The following CHL1 variants were observed in gnomAD, a reference collection of about 807,000 sequenced individuals.
The protein encoded by CHL1 is neural cell adhesion molecule L1-like protein.
Under a neutral mutation model 141.9 loss-of-function variants are expected in CHL1, and 96 were observed. The observed-to-expected ratio is 0.68, with a 90% CI of 0.57 to 0.80. The LOEUF (loss-of-function observed/expected upper bound fraction) is 0.80, where lower values mean the gene tolerates loss of function less well. Ranked by LOEUF, CHL1 falls within the 30% of genes least tolerant of loss-of-function variation. The pLI is 0.00. For synonymous variants in CHL1, 613 were observed against 502.2 expected, an observed-to-expected ratio of 1.22 and a Z score of -2.95; for missense variants, 1,820 against 1,457.2, an observed-to-expected ratio of 1.25 and a Z score of -4.05.
At chr3:353,828 T>A (rs1208516953) in intron 10 of CHL1, among the ~76,000 whole-genome samples, 1 of 152,206 alleles carries the variant, frequency 6.6e-6, no homozygotes, top group Non-Finnish European at 1.5e-5. Context: ...TGCAATTTTC[T>A]CTGAAATCAA....
intron 1 of CHL1, among the ~76,000 whole-genome samples, chr3:204,362 C>T (rs1575594958): frequency 6.6e-6 from 1 of 152,202 alleles, no homozygotes; most frequent in Non-Finnish European, 1.5e-5. Flanking sequence ...ACTCATGTAA[C>T]CTGGATGCCT....
At position 398,284 on chromosome 3, in the gene CHL1, A is replaced by G. The variant is rs766586401; in HGVS notation, c.3152A>G (p.Glu1051Gly). The stretch of plus-strand genomic sequence containing the variant: ...CTTACTCAAAAGACTCACCCAATAG[A>G]GGTATTTGAGCCGGGAGCTGAACAT... ...VNLTQKTHPI[E>G]VFEPGAEHIV... Residue 1051 changes from glutamate (E) to glycine (G), a missense_variant, in exon 25 of 28, where the codon GAG becomes GGG. Physicochemically the swap from Glu to Gly is moderately conservative, Grantham distance 98. Transcript: ENST00000256509. The G allele has an allele frequency of 1.0e-5, 16 of 1,606,576 alleles. No homozygotes were observed. The highest frequency in any genetic ancestry group is 2.2e-5 in the East Asian group (1 of 44,796).
intron 5 of CHL1, among the ~76,000 whole-genome samples, chr3:336,955 C>T (rs1455209445): frequency 6.6e-6 from 1 of 152,034 alleles, no homozygotes; most frequent in Non-Finnish European, 1.5e-5. Context: ...TTTTCAAAAA[C>T]CTAGATGTGA....
intron 2 of CHL1, chr3:247,596 G>A (rs1265356045): frequency 6.6e-6 from 1 of 152,080 alleles, no homozygotes; most frequent in East Asian, 1.9e-4. Context: ...TTTCTGTGCT[G>A]AGAAGTTCTG....
intron 5 of CHL1, among the ~76,000 whole-genome samples, chr3:340,457 C>T (rs761865464): frequency 6.6e-6 from 1 of 152,162 alleles, no homozygotes; most frequent in Non-Finnish European, 1.5e-5. Flanking sequence ...AAAGATTTCA[C>T]ATCTATCAAA....
chr3:227,670 C>A (rs944759886), intron 1 of CHL1, among the ~76,000 whole-genome samples: 1 of 152,164 alleles, frequency 6.6e-6, no homozygotes, highest in Non-Finnish European at 1.5e-5. Flanking sequence ...TCTTTATTAC[C>A]AGTAGCTCTC....
At chr3:337,356 A>G (rs973391763) in intron 5 of CHL1, among the ~76,000 whole-genome samples, 6 of 63,804 alleles carry the variant, frequency 9.4e-5, no homozygotes, top group Non-Finnish European at 1.2e-4. Flanking sequence ...ACGCCCGGCT[A>G]ATTTTTTTAT....
At position 349,224 on chromosome 3, in the gene CHL1, G is replaced by C. The variant is rs1361737557; in HGVS notation, c.849-135G>C. 7.1e-6 allele frequency: 5 copies of C among 706,200 alleles called. No homozygotes were observed. The East Asian group carries it at 1.4e-4, about 19-fold the overall frequency. 43.7% of individuals were successfully genotyped at this position (706,200 alleles called of 1,614,324 possible). A position where few individuals can be genotyped will look rare whatever the true frequency, so the allele number is the denominator to read the frequency against. ...TGGTGGTGGGTGTGTCTGTCCACTG[G>C]TAAGGATGACGTGATTCAGTGGAAT... is the stretch of plus-strand genomic sequence containing the variant. On this transcript the variant is annotated intron_variant, in intron 9 of 27. Transcript: ENST00000256509.
At chr3:258,253 A>T (rs564830960) in intron 2 of CHL1, among the ~76,000 whole-genome samples, 1 of 152,342 alleles carries the variant, frequency 6.6e-6, no homozygotes, top group African/African-American at 2.4e-5. Flanking sequence ...AATCAATCAT[A>T]TTATTATGAA....
chr3:394,740 A>C lies in CHL1; in HGVS notation c.2962A>C (p.Thr988Pro). The C allele has an allele frequency of 6.2e-7, 1 of 1,613,670 alleles. No homozygotes were observed. Among genetic ancestry groups the C allele is most frequent in the Non-Finnish European group, 8.5e-7 (1 of 1,179,762 alleles). ...IGELNDINIT[T>P]PSKPSWHLSN... ...AGAATTAAATGATATTAACATTACAACTCCATCAAAGCCCAGCTGGCACCT... is the reference window on the plus strand; with the variant it reads ...AGAATTAAATGATATTAACATTACACCTCCATCAAAGCCCAGCTGGCACCT... Residue 988 changes from threonine (T) to proline (P), a missense_variant, in exon 24 of 28, where the codon ACT becomes CCT. Physicochemically the swap from Thr to Pro is conservative, Grantham distance 38. Coordinates refer to ENST00000256509, the MANE Select transcript of CHL1 (RefSeq NM_006614.4).
chr3:302,284 T>C (rs748324632), intron 2 of CHL1, among the ~76,000 whole-genome samples: 2 of 152,248 alleles, frequency 1.3e-5, no homozygotes, highest in Admixed American at 1.3e-4. Flanking sequence ...CTGGGTCAAA[T>C]GGTATTTCTA....
At chr3:258,834 G>T (rs1694422656) in intron 2 of CHL1, among the ~76,000 whole-genome samples, 1 of 149,580 alleles carries the variant, frequency 6.7e-6, no homozygotes, top group African/African-American at 2.5e-5. Flanking sequence ...CTAACTTTTT[G>T]GCAATTTCAT....
intron 27 of CHL1, among the ~76,000 whole-genome samples, chr3:402,807 A>G (rs1364031649): frequency 6.6e-6 from 1 of 152,208 alleles, no homozygotes; most frequent in Admixed American, 6.5e-5. Flanking sequence ...GAAAGAAAGA[A>G]AGAGAGAAAA....
At chr3:253,465 G>T (rs375811923) in intron 2 of CHL1, among the ~76,000 whole-genome samples, 3 of 152,262 alleles carry the variant, frequency 2.0e-5, no homozygotes, top group Admixed American at 6.5e-5. Flanking sequence ...GGATCCAGGG[G>T]TCCCTGTAGC....
chr3:290,282 A>G (rs965187463), intron 2 of CHL1, among the ~76,000 whole-genome samples: 4 of 152,172 alleles, frequency 2.6e-5, no homozygotes, highest in Non-Finnish European at 4.4e-5. Context: ...AGCTGGCAAC[A>G]TGTGTAGGGG....
chr3:235,178 T>C (rs1691845036), intron 1 of CHL1, among the ~76,000 whole-genome samples: 1 of 152,000 alleles, frequency 6.6e-6, no homozygotes, highest in Non-Finnish European at 1.5e-5. Flanking sequence ...ATTAAAAATA[T>C]TTGTGTCACT....
At chr3:226,374 T>TTATATATATATA (rs56305108) in intron 1 of CHL1, among the ~76,000 whole-genome samples, 7 of 144,304 alleles carry the variant, frequency 4.9e-5, no homozygotes, top group South Asian at 2.1e-4. Flanking sequence ...ATAGAATATT[T>TTATATATATATA]TATATATATA....
chr3:212,255 C>G (rs982451499), intron 1 of CHL1, among the ~76,000 whole-genome samples: 7 of 151,932 alleles, frequency 4.6e-5, no homozygotes, highest in African/African-American at 1.7e-4. Context: ...CAGATGTTTC[C>G]ATAGTCTATT....
Position 209,729 on chromosome 3 carries a change from C to G in CHL1, c.-175+12666C>G, listed in dbSNP as rs112552156. On this transcript the variant is annotated intron_variant, in intron 1 of 27. Transcript: ENST00000256509. ...GCTCCCCTCCGCTGCCACCCCACGACAGGCCCCGTGTGTGATGTTCCCCAC... is the reference window on the plus strand; with the variant it reads ...GCTCCCCTCCGCTGCCACCCCACGAGAGGCCCCGTGTGTGATGTTCCCCAC... 6.1e-3 allele frequency among the ~76,000 whole-genome samples: 925 copies of G among 152,310 alleles called. 7 individuals carry two copies. The highest frequency in any genetic ancestry group is 0.021 in the African/African-American group (854 of 41,564).
Sources: gnomAD v4.1 joint callset for allele counts (sites outside exome capture counted in the v4.1 genomes callset) on GRCh38, gnomAD v4.1.1 for gene constraint, MANE v1.5 for transcripts, NCBI Gene and HGNC (gene_info 2026-07-23, HGNC 2026-07-21) for gene names.